Variants in DEPDC1B observed in about 807,000 individuals in gnomAD.
DEPDC1B encodes the protein DEP domain containing 1B.
In DEPDC1B, 51 loss-of-function variants were observed where a neutral mutation model predicts 66.5. That is an observed-to-expected ratio of 0.77 (90% CI 0.61 to 0.97). The LOEUF is 0.97. Ranked by LOEUF, DEPDC1B falls within the 50% of genes least tolerant of loss-of-function variation. The pLI, the probability that DEPDC1B is intolerant of heterozygous loss-of-function variation, is 0.00. For synonymous variants in DEPDC1B, 226 were observed against 223.6 expected (o/e 1.01, Z -0.10); for missense variants, 552 against 637.1 (o/e 0.87, Z 1.44).
At chr5:60,614,583 A>C (rs1752498310) in intron 7 of DEPDC1B, among the ~76,000 whole-genome samples, 1 of 152,112 alleles carries the variant, frequency 6.6e-6, no homozygotes, top group Admixed American at 6.6e-5. Flanking sequence ...ATATGATAGG[A>C]ATTTTTTAAT....
At chr5:60,645,929 TAGC>T (rs1753306029) in intron 3 of DEPDC1B, among the ~76,000 whole-genome samples, 1 of 152,192 alleles carries the variant, frequency 6.6e-6, no homozygotes. Context: ...ATCAGTGAAA[TAGC>T]AGTGAAATAA....
Position 60,686,957 on chromosome 5 carries a change from A to C in DEPDC1B, c.314+5T>G. ...TCACCTTCCAGGTTTACATGTTGCC[A>C]TTACCTGTATAAGTGACGATTGTCT... On this transcript the variant is annotated splice_donor_5th_base_variant and intron_variant, in intron 2 of 10. Transcript: ENST00000265036. The C allele has an allele frequency of 6.2e-7, 1 of 1,613,960 alleles. No homozygotes were observed. Among genetic ancestry groups the C allele is most frequent in the East Asian group, 2.2e-5 (1 of 44,874 alleles).
chr5:60,597,927 A>C lies in DEPDC1B; in HGVS notation c.1429-13T>G. On this transcript the variant is annotated splice_polypyrimidine_tract_variant and intron_variant, in intron 10 of 10. Transcript: ENST00000265036. ...AGGATTTCTGAAACTAAAAAAATGA[A>C]TGGTCCAAGAAGAGTAAAAAAAGAC... The C allele has an allele frequency of 6.3e-7, 1 of 1,591,120 alleles. No individual in the cohort carries two copies. Among genetic ancestry groups the C allele is most frequent in the Non-Finnish European group, 8.5e-7 (1 of 1,174,190 alleles).
chr5:60,692,881 C>A (rs1005561711), intron 1 of DEPDC1B, among the ~76,000 whole-genome samples: 2 of 151,950 alleles, frequency 1.3e-5, no homozygotes, highest in Non-Finnish European at 1.5e-5. Context: ...GATGAACAGG[C>A]CACATATGAA....
At chr5:60,622,111 CA>C (rs760714025) in intron 7 of DEPDC1B, among the ~76,000 whole-genome samples, 1 of 152,016 alleles carries the variant, frequency 6.6e-6, no homozygotes, top group Non-Finnish European at 1.5e-5. Context: ...AAAATGTACC[CA>C]TTTTAAATGT....
At chr5:60,603,750 T>A (rs966955369) in intron 8 of DEPDC1B, among the ~76,000 whole-genome samples, 183 bp from the exon 9 acceptor site, 1 of 151,950 alleles carries the variant, frequency 6.6e-6, no homozygotes, top group African/African-American at 2.4e-5. Context: ...AAAATGTGCA[T>A]CTTCCTGTTA....
At chr5:60,608,478 A>G (rs932784248) in intron 7 of DEPDC1B, among the ~76,000 whole-genome samples, 6 of 148,600 alleles carry the variant, frequency 4.0e-5, no homozygotes, top group African/African-American at 1.5e-4. Context: ...TATTATGTTA[A>G]TTATTAGCCA....
At chr5:60,652,568 C>G (rs4504343) in intron 2 of DEPDC1B, among the ~76,000 whole-genome samples, 54,298 of 148,496 alleles carry the variant, frequency 0.37, 13,002 homozygotes, top group East Asian at 0.71. Flanking sequence ...TGGCTAGGAA[C>G]TCAGTTTATA....
chr5:60,627,432 T>A (rs1752829553), intron 7 of DEPDC1B, among the ~76,000 whole-genome samples: 1 of 152,090 alleles, frequency 6.6e-6, no homozygotes, highest in South Asian at 2.1e-4. Context: ...ATTAGCATTC[T>A]ATCTTTTTTT....
intron 7 of DEPDC1B, among the ~76,000 whole-genome samples, chr5:60,635,215 A>C (rs1261996879): frequency 6.6e-6 from 1 of 152,206 alleles, no homozygotes; most frequent in Non-Finnish European, 1.5e-5. Context: ...AAACAAAAAA[A>C]AATTGTTTTC....
chr5:60,682,973 A>T (rs1447249715), intron 2 of DEPDC1B, among the ~76,000 whole-genome samples: 2 of 152,188 alleles, frequency 1.3e-5, no homozygotes, highest in African/African-American at 4.8e-5. Context: ...CCAAAACCAG[A>T]CAAAGATACA....
At chr5:60,661,479 C>A (rs998469472) in intron 2 of DEPDC1B, among the ~76,000 whole-genome samples, 1 of 152,100 alleles carries the variant, frequency 6.6e-6, no homozygotes, top group Non-Finnish European at 1.5e-5. Context: ...CCCCTCAAGG[C>A]AAAAATGCCC....
chr5:60,610,512 C>T (rs1471208305), intron 7 of DEPDC1B, among the ~76,000 whole-genome samples: 1 of 152,064 alleles, frequency 6.6e-6, no homozygotes, highest in Non-Finnish European at 1.5e-5. Context: ...AATTTGGCTC[C>T]GGGCCTCACA....
chr5:60,638,909 T>C lies in DEPDC1B; in HGVS notation c.758-19A>G, dbSNP rs1753122531. 1.2e-6 allele frequency: 2 copies of C among 1,606,578 alleles called. No homozygotes were observed. The highest frequency in any genetic ancestry group is 3.4e-5 in the Admixed American group (2 of 58,028). ...TTGGGCCCTATTTTCAAAAAGAGAG[T>C]GAAAGAGAAACATTAATGGAGTAAT... is the stretch of plus-strand genomic sequence containing the variant. On this transcript the variant is annotated intron_variant, in intron 6 of 10. Transcript: ENST00000265036.
At chr5:60,645,674 G>T (rs1224955000) in intron 3 of DEPDC1B, 55 bp from the exon 4 acceptor site, 1 of 1,516,722 alleles carries the variant, frequency 6.6e-7, no homozygotes. Flanking sequence ...GAAAGACAGT[G>T]AATAAATATT....
Position 60,654,965 on chromosome 5 carries a change from G to C in DEPDC1B, c.315-7432C>G, listed in dbSNP as rs892377573. Reference sequence around the variant, plus strand: ...GATGTTAAACCATCCCTGCATCCCTGATATGAAACCCAATTGACCATGGTG... The same window carrying C: ...GATGTTAAACCATCCCTGCATCCCTCATATGAAACCCAATTGACCATGGTG... On this transcript the variant is annotated intron_variant, in intron 2 of 10. Coordinates refer to ENST00000265036, the MANE Select transcript of DEPDC1B (RefSeq NM_018369.3). 2.0e-5 allele frequency among the ~76,000 whole-genome samples: 3 copies of C among 149,006 alleles called. 1 individual carries two copies. Among genetic ancestry groups the C allele is most frequent in the Non-Finnish European group, 4.4e-5 (3 of 67,886 alleles).
At chr5:60,663,175 G>A (rs1382244354) in intron 2 of DEPDC1B, among the ~76,000 whole-genome samples, 1 of 152,120 alleles carries the variant, frequency 6.6e-6, no homozygotes, top group Non-Finnish European at 1.5e-5. Flanking sequence ...TGAAGTCTGG[G>A]CAACAAAACG....
chr5:60,677,326 A>ACACTCTCTCTCTCTCTCT (rs770640655), intron 2 of DEPDC1B, among the ~76,000 whole-genome samples: 3 of 108,524 alleles, frequency 2.8e-5, no homozygotes, highest in African/African-American at 1.2e-4. Flanking sequence ...ACACACACAC[A>ACACTCTCTCTCTCTCTCT]CTCTCTCTCT....
At chr5:60,693,164 C>G (rs1754583920) in intron 1 of DEPDC1B, among the ~76,000 whole-genome samples, 1 of 152,086 alleles carries the variant, frequency 6.6e-6, no homozygotes, top group Admixed American at 6.5e-5. Context: ...TAATTAACAC[C>G]TAAAAACAAA....
Sources: gnomAD v4.1 joint callset for allele counts (sites outside exome capture counted in the v4.1 genomes callset) on GRCh38, gnomAD v4.1.1 for gene constraint, MANE v1.5 for transcripts, NCBI Gene and HGNC (gene_info 2026-07-23, HGNC 2026-07-21) for gene names.